The following ABCA1 variants were observed in gnomAD, a reference collection of about 807,000 sequenced individuals.
ABCA1 encodes the protein ATP binding cassette subfamily A member 1.
ABCA1 carries 133 observed loss-of-function variants against 262.5 expected under a neutral mutation model. The ratio of observed to expected loss-of-function variants is 0.51; its 90% CI spans 0.44 to 0.59. The LOEUF (loss-of-function observed/expected upper bound fraction) is 0.59. Ranked by LOEUF, ABCA1 falls within the 20% of genes least tolerant of loss-of-function variation. The probability of loss-of-function intolerance (pLI) is 0.00; values close to 1 mark genes in which losing one functional copy is unlikely to be tolerated. For missense variants in ABCA1, 2,452 were observed against 2,777.5 expected (o/e 0.88, Z 2.63); for synonymous variants, 1,022 against 1,043.5 (o/e 0.98, Z 0.40).
Position 104,873,761 on chromosome 9 carries a change from C to A in ABCA1, c.421+9278G>T, listed in dbSNP as rs144793058. Among the ~76,000 whole-genome samples the A allele has an allele frequency of 3.3e-5, 5 of 152,322 alleles. No homozygotes were observed. The East Asian group carries it at 9.6e-4, about 29-fold the overall frequency. On this transcript the variant is annotated intron_variant, in intron 5 of 49. Transcript: ENST00000374736. Reference sequence around the variant, plus strand: ...AGCCTGGTACCTATGCTGGGCCAGGCACTGTACTAAGTGCTTCCCCTTATT... The same window carrying A: ...AGCCTGGTACCTATGCTGGGCCAGGAACTGTACTAAGTGCTTCCCCTTATT...
rs890831572 is a variant in ABCA1, at chr9:104,818,698, T to C, written c.3427A>G (p.Arg1143Gly). 3 of 1,613,366 alleles carry C rather than the reference T, an allele frequency of 1.9e-6. No homozygotes were observed. Among genetic ancestry groups the C allele is most frequent in the Non-Finnish European group, 2.5e-6 (3 of 1,180,026 alleles). ...KDVESSLSSC[R>G]NSSSTVSYLK... The stretch of plus-strand genomic sequence containing the variant: ...TATGACACAGTGCTACTACTGTTTC[T>C]GCAGGAACTGAGGGAGGATTCCACA... Residue 1143 changes from arginine (R) to glycine (G), a missense_variant, in exon 23 of 50, where the codon AGA becomes GGA. Physicochemically the swap from Arg to Gly is moderately radical, Grantham distance 125. Around this residue, in one of 4 missense-constraint regions of ABCA1, gnomAD observed 665 missense variants for 727.3 expected, o/e 0.91. Coordinates refer to ENST00000374736, the MANE Select transcript of ABCA1 (RefSeq NM_005502.4).
chr9:104,888,819 C>A (rs1366069397), intron 3 of ABCA1, among the ~76,000 whole-genome samples: 1 of 152,182 alleles, frequency 6.6e-6, no homozygotes, highest in Non-Finnish European at 1.5e-5. Flanking sequence ...TTAATCACCA[C>A]TTTCTAAAAT....
intron 8 of ABCA1, among the ~76,000 whole-genome samples, chr9:104,844,094 G>A (rs1287392701): frequency 2.0e-5 from 3 of 151,658 alleles, no homozygotes; most frequent in Admixed American, 6.6e-5. Context: ...TGAGTTTAGA[G>A]GCAGCCTCCC....
At chr9:104,859,050 T>C (rs1165692605) in intron 6 of ABCA1, among the ~76,000 whole-genome samples, 1 of 152,232 alleles carries the variant, frequency 6.6e-6, no homozygotes, top group Non-Finnish European at 1.5e-5. Flanking sequence ...ACCACTTTTA[T>C]TAGATGAACA....
At chr9:104,858,749 T>G (rs1233785951) in intron 6 of ABCA1, 51 bp from the exon 7 acceptor site, 2 of 1,598,992 alleles carry the variant, frequency 1.3e-6, no homozygotes, top group African/African-American at 1.3e-5. Flanking sequence ...TTATGAAGAT[T>G]GGAAGCTGGG....
At chr9:104,805,232 G>A (rs1318396459) in intron 31 of ABCA1, among the ~76,000 whole-genome samples, 1 of 152,098 alleles carries the variant, frequency 6.6e-6, no homozygotes, top group East Asian at 1.9e-4. Context: ...GTGCCACCAT[G>A]CCTGGCTAAT....
chr9:104,821,613 C>T, intron 19 of ABCA1, 107 bp from the exon 20 acceptor site: 1 of 1,332,046 alleles, frequency 7.5e-7, no homozygotes, highest in Non-Finnish European at 1.1e-6. Context: ...TCCCACCGCC[C>T]CCATTCCTTT....
At position 104,782,848 on chromosome 9, in the gene ABCA1, TAA is replaced by T. The variant is rs200463326; in HGVS notation, c.*1465_*1466del. On this transcript the variant is annotated 3_prime_UTR_variant, in exon 50 of 50. Transcript: ENST00000374736. Reference sequence around the variant, plus strand: ...TTCTTGGCTTTTGCATTGTTGCAATTAAAAAAAAAAAAAAAAAGGCTGCCCAG... The same window carrying T: ...TTCTTGGCTTTTGCATTGTTGCAATTAAAAAAAAAAAAAAAGGCTGCCCAG... 198 of 136,092 alleles carry T rather than the reference TAA, an allele frequency of 1.5e-3. No homozygotes were observed. Among genetic ancestry groups the T allele is most frequent in the Middle Eastern group, 3.9e-3 (1 of 256 alleles). 8.4% of individuals were successfully genotyped at this position (136,092 alleles called of 1,614,324 possible).
intron 5 of ABCA1, among the ~76,000 whole-genome samples, chr9:104,862,649 CGGGCCGGGCCGGGCCGGGCCGGG>C (rs1836587302): frequency 1.7e-4 from 2 of 11,692 alleles, no homozygotes; most frequent in Non-Finnish European, 3.7e-4. Context: ...CGGGCCGGGC[CGGGCCGGGCCGGGCCGGGCCGGG>C]CCGGGCCGGG....
intron 3 of ABCA1, among the ~76,000 whole-genome samples, chr9:104,888,632 G>A (rs1173964706): frequency 6.6e-6 from 1 of 152,156 alleles, no homozygotes; most frequent in East Asian, 1.9e-4. Context: ...ATGATTGACA[G>A]ATGATCTGAG....
At chr9:104,832,935 G>A (rs538565034) in intron 11 of ABCA1, among the ~76,000 whole-genome samples, 164 bp from the exon 12 acceptor site, 9 of 151,848 alleles carry the variant, frequency 5.9e-5, no homozygotes, top group Non-Finnish European at 1.2e-4. Flanking sequence ...GACTGAGGCT[G>A]AAGAAAAAAA....
intron 28 of ABCA1, among the ~76,000 whole-genome samples, chr9:104,812,030 T>C (rs903258196): frequency 6.6e-5 from 10 of 152,254 alleles, no homozygotes; most frequent in Non-Finnish European, 1.0e-4. Context: ...ATGCAAACAC[T>C]GACATGCAGA....
intron 1 of ABCA1, among the ~76,000 whole-genome samples, chr9:104,912,289 C>T (rs1017032370): frequency 1.3e-5 from 2 of 152,124 alleles, no homozygotes; most frequent in Non-Finnish European, 2.9e-5. Flanking sequence ...ATCCTAACAC[C>T]TTGGGAGGCT....
intron 23 of ABCA1, among the ~76,000 whole-genome samples, chr9:104,818,162 T>C (rs1459821164): frequency 3.5e-5 from 4 of 115,014 alleles, no homozygotes; most frequent in Non-Finnish European, 6.3e-5. Context: ...ATTGAGATGA[T>C]AGAGGTTAAA....
chr9:104,862,217 C>T (rs968449961), intron 5 of ABCA1, among the ~76,000 whole-genome samples: 6 of 152,074 alleles, frequency 3.9e-5, no homozygotes, highest in Non-Finnish European at 8.8e-5. Flanking sequence ...GATTCTCCTG[C>T]CTCAGCCTCC....
At chr9:104,861,655 A>G (rs371995124) in intron 6 of ABCA1, 24 bp downstream of exon 6, 7 of 1,613,932 alleles carry the variant, frequency 4.3e-6, no homozygotes, top group Non-Finnish European at 5.9e-6. Flanking sequence ...AGCCCTACTG[A>G]GGAAGCTGGA....
Position 104,786,301 on chromosome 9 carries a change from T to C in ABCA1, c.6398A>G (p.Asn2133Ser). Residue 2133 changes from asparagine to serine, a missense_variant, in exon 48 of 50, where the codon AAT becomes AGT. Asn to Ser is a conservative substitution (Grantham distance 46, BLOSUM62 1). This residue lies in a region of ABCA1 where 752 missense variants were observed against 944.5 expected (regional missense o/e 0.80). Transcript: ENST00000374736. ...RCLGSVQHLK[N>S]RFGDGYTIVV... ...CCAAAGAAATTATCTTTATTACCTA[T>C]TTTTTAGATGCTGGACACTGCCAAG... is the stretch of plus-strand genomic sequence containing the variant. 6.2e-7 allele frequency: 1 copy of C among 1,612,228 alleles called. No individual in the cohort carries two copies. The highest frequency in any genetic ancestry group is 8.5e-7 in the Non-Finnish European group (1 of 1,178,386).
chr9:104,888,881 T>C (rs1839452878), intron 3 of ABCA1, among the ~76,000 whole-genome samples: 1 of 152,246 alleles, frequency 6.6e-6, no homozygotes, highest in African/African-American at 2.4e-5. Flanking sequence ...AAAGAGATGT[T>C]GTCTACTGTT....
At chr9:104,824,095 GGTCACCAT>G (rs1832611349) in intron 18 of ABCA1, among the ~76,000 whole-genome samples, 1 of 152,166 alleles carries the variant, frequency 6.6e-6, no homozygotes, top group African/African-American at 2.4e-5. Flanking sequence ...CTGATACACA[GGTCACCAT>G]GTCACAGGCA....
Sources: gnomAD v4.1 joint callset for allele counts (sites outside exome capture counted in the v4.1 genomes callset) on GRCh38, gnomAD v4.1.1 for gene constraint, gnomAD v4.1.1 regional missense constraint, MANE v1.5 for transcripts, NCBI Gene and HGNC (gene_info 2026-07-23, HGNC 2026-07-21) for gene names.